Variants in INSR observed in about 807,000 individuals in gnomAD.
INSR encodes insulin receptor.
Under a neutral mutation model 142.6 loss-of-function variants are expected in INSR, and 67 were observed. That is an observed-to-expected ratio of 0.47 (90% CI 0.39 to 0.58). The LOEUF (loss-of-function observed/expected upper bound fraction) is 0.58. Ranked by LOEUF, INSR falls within the 20% of genes least tolerant of loss-of-function variation. The probability of loss-of-function intolerance (pLI) is 0.00; values close to 1 mark genes in which losing one functional copy is unlikely to be tolerated. For missense variants in INSR, 1,248 were observed against 1,833.2 expected, an observed-to-expected ratio of 0.68 and a Z score of 5.83; for synonymous variants, 756 against 743.1, an observed-to-expected ratio of 1.02 and a Z score of -0.28.
At chr19:7,153,008 A>ACCC in intron 9 of INSR, 81 bp from the exon 10 acceptor site, 2 of 611,068 alleles carry the variant, frequency 3.3e-6, no homozygotes, top group African/African-American at 4.2e-5. Context: ...CCACACACAC[A>ACCC]CACACCACAC....
chr19:7,162,701 T>C (rs1487003353), intron 9 of INSR, among the ~76,000 whole-genome samples: 1 of 151,540 alleles, frequency 6.6e-6, no homozygotes, highest in Non-Finnish European at 1.5e-5. Flanking sequence ...GTGCCTGTAA[T>C]CCCAGCTACT....
intron 2 of INSR, among the ~76,000 whole-genome samples, chr19:7,200,322 G>A (rs1239683976): frequency 4.6e-5 from 7 of 152,130 alleles, no homozygotes. Flanking sequence ...GCTGGATGAC[G>A]CCCAACTTTC....
At position 7,166,101 on chromosome 19, in the gene INSR, A is replaced by G; in HGVS notation, c.1861+53T>C. On this transcript the variant is annotated intron_variant, in intron 8 of 21. Transcript: ENST00000302850. The surrounding 1 kb of genome is among the most constrained non-coding windows in gnomAD (Gnocchi z 4.1). ...TACAACCTCACTGCATCAGCCTATT[A>G]AAAGCAAGAGGTCTGATTCACATAC... is the stretch of plus-strand genomic sequence containing the variant. 2.5e-6 allele frequency: 4 copies of G among 1,608,982 alleles called. 1 individual carries two copies. Among genetic ancestry groups the G allele is most frequent in the African/African-American group, 2.7e-5 (2 of 74,768 alleles).
At chr19:7,127,218 T>C (rs1003148911) in intron 15 of INSR, among the ~76,000 whole-genome samples, 4 of 152,142 alleles carry the variant, frequency 2.6e-5, no homozygotes, top group Non-Finnish European at 5.9e-5. Context: ...TTTTAAATAA[T>C]TTATGGCCAT....
chr19:7,249,131 A>G (rs74487764), intron 2 of INSR, among the ~76,000 whole-genome samples: 8 of 152,070 alleles, frequency 5.3e-5, no homozygotes, highest in Non-Finnish European at 1.5e-5. Context: ...TCTGAACTAC[A>G]TTGACAAATT....
Position 7,293,970 on chromosome 19 carries a change from C to T in INSR, c.-79G>A. ...GGGGTCATGCTCCGAGGCGGCCACC[C>T]AAGAGGCGCTGGGGGCCGCGCGTCC... On this transcript the variant is annotated 5_prime_UTR_variant, in exon 1 of 22. Transcript: ENST00000302850. 8.8e-7 allele frequency: 1 copy of T among 1,136,946 alleles called. No homozygotes were observed. Among genetic ancestry groups the T allele is most frequent in the Non-Finnish European group, 1.1e-6 (1 of 928,088 alleles). 70.4% of individuals were successfully genotyped at this position (1,136,946 alleles called of 1,614,324 possible). A position where few individuals can be genotyped will look rare whatever the true frequency, so the allele number is the denominator to read the frequency against.
intron 13 of INSR, among the ~76,000 whole-genome samples, chr19:7,140,646 G>A (rs1460543652): frequency 2.0e-5 from 3 of 152,034 alleles, no homozygotes; most frequent in African/African-American, 7.2e-5. Flanking sequence ...GTCCCAAGAG[G>A]TATATTATTT....
At chr19:7,250,259 TGGGAAGGAGGAGAG>T (rs1568217741) in intron 2 of INSR, among the ~76,000 whole-genome samples, 1 of 73,704 alleles carries the variant, frequency 1.4e-5, no homozygotes, top group South Asian at 4.9e-4. Context: ...AGAGAGGGGA[TGGGAAGGAGGAGAG>T]GGGAAGGAGG....
intron 13 of INSR, among the ~76,000 whole-genome samples, chr19:7,137,798 CAAAAA>C (rs1176523364): frequency 9.6e-5 from 4 of 41,468 alleles, no homozygotes; most frequent in Non-Finnish European, 1.6e-4. Flanking sequence ...GACTCCATCT[CAAAAA>C]AAAAAAAAAA....
rs773888335 is a variant in INSR at position 7,142,875 on chromosome 19, T to C, written c.2483A>G (p.Asp828Gly). 3 of 1,614,054 alleles carry C rather than the reference T, an allele frequency of 1.9e-6. No individual in the cohort carries two copies. The highest frequency in any genetic ancestry group is 8.5e-7 in the Non-Finnish European group (1 of 1,180,030). The change falls in exon 12 of 22, where the codon GAC (aspartate) becomes GGC (glycine). Residue 828 changes from aspartate (D) to glycine (G), a missense_variant. Asp to Gly is a moderately conservative substitution (Grantham distance 94, BLOSUM62 -1). This residue lies in a region of INSR where 1,069 missense variants were observed against 1,654.0 expected (regional missense o/e 0.65). Coordinates refer to ENST00000302850, the MANE Select transcript of INSR (RefSeq NM_000208.4). ...CACACTGCACCGTTCCTCAGGGGTG[T>C]CCTGGTTGCAAGCCTGCAGCTCGAT... ...YRIELQACNQ[D>G]TPEERCSVAA...
intron 2 of INSR, among the ~76,000 whole-genome samples, chr19:7,241,175 TTG>T (rs1456169437): frequency 4.1e-5 from 4 of 97,886 alleles, no homozygotes; most frequent in African/African-American, 7.5e-5. Flanking sequence ...TTATTTTATT[TTG>T]TTTTTTTTTT....
In INSR at chr19:7,132,247, G is replaced by A. The variant is rs767356321; in HGVS notation, c.2753C>T (p.Pro918Leu). The A allele has an allele frequency of 1.1e-5, 18 of 1,614,066 alleles. No individual in the cohort carries two copies. The highest frequency in any genetic ancestry group is 2.2e-5 in the East Asian group (1 of 44,882). The change falls in exon 14 of 22, where the codon CCG becomes CTG. Residue 918 changes from proline to leucine, a missense_variant. Coordinates refer to ENST00000302850, the MANE Select transcript of INSR (RefSeq NM_000208.4). ...ERGCRLRGLS[P>L]GNYSVRIRAT... ...CCGGATTCGCACGCTGTAGTTCCCC[G>A]GTGACAGCCCACGCAGCCTGCAGCC...
At chr19:7,134,136 G>A (rs918799467) in intron 13 of INSR, among the ~76,000 whole-genome samples, 2 of 151,774 alleles carry the variant, frequency 1.3e-5, no homozygotes, top group South Asian at 2.1e-4. Context: ...CCGAGATCGC[G>A]CCACTTAAGT....
At chr19:7,230,805 C>CAAAA (rs1491540793) in intron 2 of INSR, among the ~76,000 whole-genome samples, 6 of 58,656 alleles carry the variant, frequency 1.0e-4, no homozygotes, top group East Asian at 3.8e-4. Context: ...GACTCCATCT[C>CAAAA]AAAAATAAAA....
At position 7,152,391 on chromosome 19, in the gene INSR, A is replaced by G. The variant is rs942931698; in HGVS notation, c.2231+335T>C. ...GTGAGACTCTGTCAAAAAAAAAAAA[A>G]AAAGAGAGAGAGAGAAAAAAAAAAA... is the stretch of plus-strand genomic sequence containing the variant. On this transcript the variant is annotated intron_variant, in intron 10 of 21. Coordinates refer to ENST00000302850, the MANE Select transcript of INSR (RefSeq NM_000208.4). 2.2e-3 allele frequency: 644 copies of G among 298,004 alleles called. 3 individuals carry two copies. The highest frequency in any genetic ancestry group is 3.4e-3 in the Non-Finnish European group (521 of 153,414). 18.5% of individuals were successfully genotyped at this position (298,004 alleles called of 1,614,324 possible). A position where few individuals can be genotyped will look rare whatever the true frequency, so the allele number is the denominator to read the frequency against.
chr19:7,144,639 G>A (rs1872060640), intron 11 of INSR, among the ~76,000 whole-genome samples: 1 of 151,628 alleles, frequency 6.6e-6, no homozygotes, highest in Non-Finnish European at 1.5e-5. Flanking sequence ...CCTGACCTCA[G>A]GTGATCTGCC....
chr19:7,179,041 C>T (rs560213699), intron 3 of INSR, among the ~76,000 whole-genome samples: 112 of 152,232 alleles, frequency 7.4e-4, no homozygotes, highest in African/African-American at 2.7e-3. Flanking sequence ...CCCTCAAGTA[C>T]CTGGGACTAC....
At chr19:7,151,197 TTTCTTTCTTTC>T (rs1973346537) in intron 10 of INSR, among the ~76,000 whole-genome samples, 2 of 110,698 alleles carry the variant, frequency 1.8e-5, no homozygotes, top group African/African-American at 6.0e-5. Flanking sequence ...TCTTTCTTTC[TTTCTTTCTTTC>T]TTTTTCTTTC....
chr19:7,209,830 T>C (rs1472744025), intron 2 of INSR, among the ~76,000 whole-genome samples: 1 of 152,156 alleles, frequency 6.6e-6, no homozygotes, highest in Non-Finnish European at 1.5e-5. Flanking sequence ...TACTATTTCA[T>C]CCACCCTACT....
Sources: gnomAD v4.1 joint callset for allele counts (sites outside exome capture counted in the v4.1 genomes callset) on GRCh38, gnomAD v4.1.1 for gene constraint, gnomAD v4.1.1 regional missense constraint, Gnocchi (gnomAD v3.1) non-coding constraint, MANE v1.5 for transcripts, NCBI Gene and HGNC (gene_info 2026-07-23, HGNC 2026-07-21) for gene names.